Variants in AIDA observed in about 807,000 individuals in gnomAD.
AIDA encodes the protein axin interactor, dorsalization associated, also known as axin interactor, dorsalization-associated protein.
A neutral mutation model predicts 42.7 loss-of-function variants in AIDA; 18 were observed. That is an observed-to-expected ratio of 0.42 (90% CI 0.29 to 0.63). AIDA has a LOEUF of 0.63. Ranked by LOEUF, AIDA falls within the 20% of genes least tolerant of loss-of-function variation. The pLI is 0.19. For synonymous variants in AIDA, 104 were observed against 122.9 expected (o/e 0.85, Z 1.02); for missense variants, 250 against 354.1 (o/e 0.71, Z 2.36).
At chr1:222,689,512 T>C (rs1450959863) in intron 4 of AIDA, among the ~76,000 whole-genome samples, 3 of 73,692 alleles carry the variant, frequency 4.1e-5, no homozygotes, top group South Asian at 5.0e-4. Context: ...TATATATATA[T>C]ATATATATAC....
intron 4 of AIDA, among the ~76,000 whole-genome samples, chr1:222,690,638 T>G (rs1235380801): frequency 2.0e-5 from 3 of 151,974 alleles, no homozygotes; most frequent in Non-Finnish European, 2.9e-5. Flanking sequence ...TACTCCAACA[T>G]TCCTTCATCT....
intron 4 of AIDA, 115 bp downstream of exon 4, chr1:222,693,674 G>C: frequency 1.2e-6 from 1 of 846,020 alleles, no homozygotes; most frequent in South Asian, 2.1e-5. Flanking sequence ...AAATCACATA[G>C]GACTAGATAT....
intron 1 of AIDA, among the ~76,000 whole-genome samples, chr1:222,705,212 A>G (rs1655807841): frequency 6.6e-6 from 1 of 152,212 alleles, no homozygotes; most frequent in Non-Finnish European, 1.5e-5. Context: ...AAGCCTCATA[A>G]TATTTTCCCT....
intron 8 of AIDA, among the ~76,000 whole-genome samples, chr1:222,672,387 C>T (rs935891342): frequency 5.3e-5 from 8 of 152,160 alleles, no homozygotes; most frequent in South Asian, 2.1e-4. Flanking sequence ...ATTTCTTCAA[C>T]GTTATTTATT....
intron 8 of AIDA, among the ~76,000 whole-genome samples, chr1:222,671,242 A>T (rs550426489): frequency 6.6e-6 from 1 of 152,138 alleles, no homozygotes; most frequent in African/African-American, 2.4e-5. Context: ...AAAGAAAAAA[A>T]TAAGAAATTT....
intron 2 of AIDA, among the ~76,000 whole-genome samples, chr1:222,699,476 C>T (rs921614417): frequency 3.3e-5 from 5 of 152,124 alleles, no homozygotes; most frequent in African/African-American, 1.2e-4. Context: ...CGGAGACTTC[C>T]AAAAGCAAAT....
chr1:222,679,594 T>C (rs1327646252), intron 6 of AIDA, among the ~76,000 whole-genome samples: 2 of 152,242 alleles, frequency 1.3e-5, no homozygotes, highest in Non-Finnish European at 2.9e-5. Context: ...ACAGGTGCTA[T>C]AGCACCCTAT....
intron 1 of AIDA, among the ~76,000 whole-genome samples, chr1:222,706,415 C>T (rs529738435): frequency 4.5e-4 from 69 of 151,846 alleles, no homozygotes; most frequent in Non-Finnish European, 9.0e-4. Flanking sequence ...AAAGTAGAAA[C>T]AATCCAAATG....
chr1:222,703,258 A>C (rs769678252), intron 1 of AIDA, 41 bp from the exon 2 acceptor site: 10 of 1,422,756 alleles, frequency 7.0e-6, no homozygotes, highest in Non-Finnish European at 9.8e-6. Flanking sequence ...GAAGAAAAGC[A>C]AACTACTGCA....
intron 1 of AIDA, among the ~76,000 whole-genome samples, chr1:222,705,774 C>T (rs755706054): frequency 9.2e-5 from 14 of 152,014 alleles, no homozygotes; most frequent in Non-Finnish European, 1.8e-4. Flanking sequence ...ATCCCAGCTA[C>T]TGTGGAGGCT....
Position 222,687,080 on chromosome 1 carries a change from A to G in AIDA, c.354-44T>C, listed in dbSNP as rs771391208. The G allele has an allele frequency of 3.1e-6, 5 of 1,594,056 alleles. No homozygotes were observed. In the East Asian group the frequency reaches 1.1e-4, roughly 36 times the overall value. The stretch of plus-strand genomic sequence containing the variant: ...GAAAAAACAACAAACTGCAAAACTA[A>G]ATATACTAGTGAAGCCTCACAGACA... On this transcript the variant is annotated intron_variant, in intron 5 of 9. Transcript: ENST00000340020.
intron 4 of AIDA, among the ~76,000 whole-genome samples, chr1:222,689,212 T>A (rs906839109): frequency 4.0e-5 from 6 of 151,640 alleles, no homozygotes; most frequent in African/African-American, 1.2e-4. Context: ...CTGAGGCAGA[T>A]GGATCCCTGG....
intron 1 of AIDA, among the ~76,000 whole-genome samples, chr1:222,709,014 T>C (rs1655920572): frequency 6.6e-6 from 1 of 152,150 alleles, no homozygotes; most frequent in African/African-American, 2.4e-5. Context: ...ACACTAAGTA[T>C]ACAGTAGAGA....
chr1:222,673,199 A>G, intron 8 of AIDA, 114 bp downstream of exon 8: 2 of 944,832 alleles, frequency 2.1e-6, no homozygotes, highest in Non-Finnish European at 3.0e-6. Flanking sequence ...AATAAACACT[A>G]TGTTACATTT....
At chr1:222,672,988 G>C (rs187578535) in intron 8 of AIDA, among the ~76,000 whole-genome samples, 12 of 152,272 alleles carry the variant, frequency 7.9e-5, no homozygotes, top group Non-Finnish European at 1.2e-4. Flanking sequence ...TTAATTTGAA[G>C]ATGAAAACTG....
intron 1 of AIDA, 34 bp from the exon 2 acceptor site, chr1:222,703,251 GA>G (rs1655758647): frequency 6.6e-7 from 1 of 1,519,026 alleles, no homozygotes; most frequent in East Asian, 2.3e-5. Flanking sequence ...TAGAATGGAA[GA>G]AAAGCAAACT....
chr1:222,701,020 T>G (rs1161792979), intron 2 of AIDA, among the ~76,000 whole-genome samples: 2 of 141,244 alleles, frequency 1.4e-5, no homozygotes, highest in Non-Finnish European at 3.0e-5. Flanking sequence ...TGGAGTGCAG[T>G]GGCATGATCT....
intron 6 of AIDA, among the ~76,000 whole-genome samples, chr1:222,678,731 T>C (rs904696844): frequency 3.9e-5 from 6 of 152,198 alleles, no homozygotes; most frequent in Admixed American, 1.3e-4. Flanking sequence ...GCTGAAGCTA[T>C]GTGATTAAGA....
chr1:222,680,773 T>C (rs1407831285), intron 6 of AIDA, among the ~76,000 whole-genome samples: 1 of 152,116 alleles, frequency 6.6e-6, no homozygotes, highest in Non-Finnish European at 1.5e-5. Context: ...TAAAGCTTTT[T>C]TTTTTTCTAA....
Sources: gnomAD v4.1 joint callset for allele counts (sites outside exome capture counted in the v4.1 genomes callset) on GRCh38, gnomAD v4.1.1 for gene constraint, MANE v1.5 for transcripts, NCBI Gene and HGNC (gene_info 2026-07-23, HGNC 2026-07-21) for gene names.